Variants in PHF12 observed in about 807,000 individuals in gnomAD.
PHF12 encodes the protein PHD factor 1.
Under a neutral mutation model 99.8 loss-of-function variants are expected in PHF12, and 6 were observed. The ratio of observed to expected loss-of-function variants is 0.06; its 90% CI spans 0.03 to 0.12. The LOEUF is 0.12. Ranked by LOEUF, PHF12 falls within the 10% of genes least tolerant of loss-of-function variation. The pLI is 1.00. For synonymous variants in PHF12, 480 were observed against 514.9 expected, an observed-to-expected ratio of 0.93 and a Z score of 0.92; for missense variants, 954 against 1,300.1, an observed-to-expected ratio of 0.73 and a Z score of 4.09.
At chr17:28,942,560 G>C (rs1351460080) in intron 2 of PHF12, among the ~76,000 whole-genome samples, 4 of 152,134 alleles carry the variant, frequency 2.6e-5, no homozygotes, top group African/African-American at 9.7e-5. Flanking sequence ...GCTCACACCT[G>C]TAATCCCAGC....
At chr17:28,924,388 C>T (rs768193014) in intron 3 of PHF12, 86 bp from the exon 4 acceptor site, 1 of 1,589,554 alleles carries the variant, frequency 6.3e-7, no homozygotes. Context: ...GACCACTAAT[C>T]AAAACTGTAA....
chr17:28,950,797 C>T lies in PHF12; in HGVS notation c.66+98G>A, dbSNP rs1291684525. The stretch of plus-strand genomic sequence containing the variant: ...GTGAGGAAGAATCCCCCTCCCTCGG[C>T]CATCTAGGCGCTTCGAGTTTAGGAC... On this transcript the variant is annotated intron_variant, in intron 1 of 14. Transcript: ENST00000332830. This position sits in a 1 kb window ranked among gnomAD's most constrained non-coding sequence, Gnocchi z 5.7. 5 of 1,517,412 alleles carry T rather than the reference C, an allele frequency of 3.3e-6. No individual in the cohort carries two copies. In the East Asian group the frequency reaches 9.8e-5, roughly 30 times the overall value. The allele number at this position is 1,517,412 out of a possible 1,614,324, so 94.0% of individuals were successfully genotyped here.
At chr17:28,945,371 C>G (rs758816248) in intron 2 of PHF12, 4 of 152,208 alleles carry the variant, frequency 2.6e-5, no homozygotes, top group Admixed American at 6.5e-5. Context: ...TGCCTGTGCA[C>G]AGAGACCTTT....
At chr17:28,923,229 C>T (rs2040197591) in intron 4 of PHF12, among the ~76,000 whole-genome samples, 1 of 152,040 alleles carries the variant, frequency 6.6e-6, no homozygotes, top group Non-Finnish European at 1.5e-5. Flanking sequence ...AAGAATCAAC[C>T]AGTGGTTACC....
rs867016798 is a variant in PHF12, at chr17:28,939,360, C to T, written c.248+10705G>A. Among the ~76,000 whole-genome samples the T allele has an allele frequency of 5.4e-4, 82 of 152,344 alleles. 1 individual carries two copies. Among genetic ancestry groups the T allele is most frequent in the African/African-American group, 1.9e-3 (79 of 41,576 alleles). On this transcript the variant is annotated intron_variant, in intron 2 of 14. Coordinates refer to ENST00000332830, the MANE Select transcript of PHF12 (RefSeq NM_001033561.2). The stretch of plus-strand genomic sequence containing the variant: ...AAGATCAGGGAAAGTTAAATATAGC[C>T]AACCTATGTATCGAACTATGACAAG...
chr17:28,934,008 C>T (rs137984431), intron 2 of PHF12, among the ~76,000 whole-genome samples: 1 of 152,246 alleles, frequency 6.6e-6, no homozygotes, highest in Non-Finnish European at 1.5e-5. Context: ...GTCCACACGA[C>T]TACACCCCAA....
chr17:28,924,657 TA>T, intron 3 of PHF12: 1 of 333,206 alleles, frequency 3.0e-6, no homozygotes, highest in Non-Finnish European at 5.8e-6. Context: ...AGACCAATAG[TA>T]AAAATCAATG....
rs1274170609 is a variant in PHF12 at position 28,906,546 on chromosome 17, AG to A, written c.2681-30del. ...GGAAAAAGGGGGATGGTCACAGAAG[AG>A]GAACAGTGAGCAGCCAACCCATGTG... is the stretch of plus-strand genomic sequence containing the variant. On this transcript the variant is annotated intron_variant, in intron 14 of 14. Coordinates refer to ENST00000332830, the MANE Select transcript of PHF12 (RefSeq NM_001033561.2). This position sits in a 1 kb window ranked among gnomAD's most constrained non-coding sequence, Gnocchi z 4.2. 6 of 1,566,454 alleles carry A rather than the reference AG, an allele frequency of 3.8e-6. No individual in the cohort carries two copies. Among genetic ancestry groups the A allele is most frequent in the Non-Finnish European group, 5.2e-6 (6 of 1,151,340 alleles).
In PHF12 at chr17:28,910,268, C is replaced by A. The variant is rs765295384; in HGVS notation, c.2317G>T (p.Val773Phe). The A allele has an allele frequency of 1.2e-6, 2 of 1,614,254 alleles. No individual in the cohort carries two copies. The highest frequency in any genetic ancestry group is 2.2e-5 in the South Asian group (2 of 91,086). ...PSRVQPSPGS[V>F]GTHQLASGGH... The stretch of plus-strand genomic sequence containing the variant: ...CCAGAAGCCAGCTGATGTGTCCCGA[C>A]ACTGCCCGGTGAAGGTTGGACCCGG... Residue 773 changes from valine (V) to phenylalanine (F), a missense_variant, in exon 11 of 15, where the codon GTC becomes TTC. By Grantham distance (50) the Val-to-Phe change is conservative. This residue lies in a region of PHF12 where 143 missense variants were observed against 191.8 expected (regional missense o/e 0.75). Coordinates refer to ENST00000332830, the MANE Select transcript of PHF12 (RefSeq NM_001033561.2).
chr17:28,951,483 GC>G lies in PHF12; in HGVS notation c.-524del. On this transcript the variant is annotated 5_prime_UTR_variant, in exon 1 of 15. Transcript: ENST00000332830. ...CAAACTTACCGCGAGCGCCCGCAAA[GC>G]CACCCGCGCAGGCGCCCCGGGATCG... The G allele has an allele frequency of 3.0e-6, 3 of 985,438 alleles. No individual in the cohort carries two copies. Among genetic ancestry groups the G allele is most frequent in the Non-Finnish European group, 3.6e-6 (3 of 829,918 alleles). 61.0% of individuals were successfully genotyped at this position (985,438 alleles called of 1,614,324 possible).
rs778262803 is a variant in PHF12 at position 28,906,251 on chromosome 17, C to T, written c.2947G>A (p.Val983Ile). 41 of 1,613,298 alleles carry T rather than the reference C, an allele frequency of 2.5e-5. No homozygotes were observed. Among genetic ancestry groups the T allele is most frequent in the Non-Finnish European group, 3.4e-5 (40 of 1,179,404 alleles). The change falls in exon 15 of 15, where the codon GTC becomes ATC. Residue 983 changes from valine to isoleucine, a missense_variant. Val to Ile is a conservative substitution (Grantham distance 29, BLOSUM62 3). Around this residue, in one of 8 missense-constraint regions of PHF12, gnomAD observed 136 missense variants for 172.3 expected, o/e 0.79. Coordinates refer to ENST00000332830, the MANE Select transcript of PHF12 (RefSeq NM_001033561.2). This position sits in a 1 kb window ranked among gnomAD's most constrained non-coding sequence, Gnocchi z 4.2. ...KGDASLLQDG[V>I]LAEKLSLKPH... ...TTGAGAGAGAGCTTCTCGGCCAAGA[C>T]CCCATCCTGCAGCAGGCTGGCATCG...
chr17:28,950,847 G>C lies in PHF12; in HGVS notation c.66+48C>G. ...CTGGCTTTGTGGGGCGGAGGGCGGA[G>C]GTTCCCTCCCGGCGCTGGAGGAAGG... On this transcript the variant is annotated intron_variant, in intron 1 of 14. Coordinates refer to ENST00000332830, the MANE Select transcript of PHF12 (RefSeq NM_001033561.2). The surrounding 1 kb of genome is among the most constrained non-coding windows in gnomAD (Gnocchi z 5.7). The C allele has an allele frequency of 6.2e-7, 1 of 1,607,918 alleles. No homozygotes were observed. The highest frequency in any genetic ancestry group is 1.1e-5 in the South Asian group (1 of 90,620).
chr17:28,937,347 T>C (rs968981067), intron 2 of PHF12, among the ~76,000 whole-genome samples: 10 of 152,154 alleles, frequency 6.6e-5, no homozygotes, highest in Admixed American at 1.3e-4. Flanking sequence ...AGAAAATTCA[T>C]AGGGTCCCTC....
At chr17:28,907,915 AGAAGGGAAGAGTGAGCTACT>A (rs1160832254) in intron 12 of PHF12, 10 of 392,260 alleles carry the variant, frequency 2.5e-5, no homozygotes, top group Non-Finnish European at 4.3e-5. Context: ...GCTGCTACCC[AGAAGGGAAGAGTGAGCTACT>A]GAAGAGGATG....
chr17:28,949,859 G>A lies in PHF12; in HGVS notation c.248+206C>T, dbSNP rs2040778578. ...TTCACTCGTCCCAACCCCCACCTCG[G>A]GGTCCGGACCCACCGCTGCTCCTCC... On this transcript the variant is annotated intron_variant, in intron 2 of 14. Transcript: ENST00000332830. This position sits in a 1 kb window ranked among gnomAD's most constrained non-coding sequence, Gnocchi z 4.6. The A allele has an allele frequency of 8.7e-6, 5 of 575,106 alleles. No individual in the cohort carries two copies. Among genetic ancestry groups the A allele is most frequent in the East Asian group, 3.1e-5 (1 of 32,670 alleles). 35.6% of individuals were successfully genotyped at this position (575,106 alleles called of 1,614,324 possible).
At chr17:28,910,116 C>T (rs181161378) in intron 11 of PHF12, 110 bp downstream of exon 11, 22 of 1,496,080 alleles carry the variant, frequency 1.5e-5, no homozygotes, top group Non-Finnish European at 1.0e-5. Flanking sequence ...GAAAAGCACA[C>T]AAGGAGGTTT....
chr17:28,922,332 A>C (rs1168669787), intron 4 of PHF12, among the ~76,000 whole-genome samples: 1 of 152,096 alleles, frequency 6.6e-6, no homozygotes, highest in Non-Finnish European at 1.5e-5. Flanking sequence ...GGCCTTAAGC[A>C]ATCCTCCTGC....
intron 2 of PHF12, among the ~76,000 whole-genome samples, chr17:28,936,114 A>G (rs2040504190): frequency 6.6e-6 from 1 of 152,208 alleles, no homozygotes; most frequent in Admixed American, 6.5e-5. Context: ...TCTAATTAAG[A>G]GGATCTATTT....
chr17:28,924,793 A>C, intron 3 of PHF12: 1 of 178,658 alleles, frequency 5.6e-6, no homozygotes, highest in Non-Finnish European at 1.2e-5. Context: ...TCTACTAAAA[A>C]CACAAAAATT....
Sources: gnomAD v4.1 joint callset for allele counts (sites outside exome capture counted in the v4.1 genomes callset) on GRCh38, gnomAD v4.1.1 for gene constraint, gnomAD v4.1.1 regional missense constraint, Gnocchi (gnomAD v3.1) non-coding constraint, MANE v1.5 for transcripts, NCBI Gene and HGNC (gene_info 2026-07-23, HGNC 2026-07-21) for gene names.